The following TLE3 variants were observed in gnomAD, a reference collection of about 807,000 sequenced individuals.
TLE3 encodes the protein TLE family member 3, transcriptional corepressor, also known as transducin-like enhancer protein 3.
TLE3 carries 14 observed loss-of-function variants against 93.0 expected under a neutral mutation model. The ratio of observed to expected loss-of-function variants is 0.15; its 90% CI spans 0.10 to 0.24. The LOEUF (loss-of-function observed/expected upper bound fraction) is 0.24. TLE3 is among the 10% of genes least tolerant of loss of function. The pLI, the probability that TLE3 is intolerant of heterozygous loss-of-function variation, is 1.00. For synonymous variants in TLE3, 451 were observed against 425.0 expected (o/e 1.06, Z -0.75); for missense variants, 693 against 1,046.6 (o/e 0.66, Z 4.66).
intron 1 of TLE3, 190 bp downstream of exon 1, chr15:70,096,585 C>T: frequency 2.6e-6 from 4 of 1,524,544 alleles, no homozygotes; most frequent in Non-Finnish European, 3.5e-6. Context: ...AGCAGCCCCC[C>T]GCGCCACTCG....
rs186951300 is a variant in TLE3 at position 70,090,732 on chromosome 15, A to C, written c.234+3800T>G. ...ATATACCACCTTTCCCGGTCTGTGA[A>C]TCTTTCCTCTGGGATTGCTAGTTAT... On this transcript the variant is annotated intron_variant, in intron 4 of 19. Coordinates refer to ENST00000451782, the MANE Select transcript of TLE3 (RefSeq NM_001105192.3). 9.5e-3 allele frequency among the ~76,000 whole-genome samples: 1,450 copies of C among 152,306 alleles called. 18 individuals are homozygous for C. Among genetic ancestry groups the C allele is most frequent in the Non-Finnish European group, 0.011 (760 of 68,016 alleles).
At chr15:70,054,762 C>A (rs942486856) in intron 15 of TLE3, 77 bp from the exon 16 acceptor site, 2 of 1,464,118 alleles carry the variant, frequency 1.4e-6, no homozygotes, top group East Asian at 2.5e-5. Context: ...CCAGCAACAC[C>A]GAGCACCCTC....
intron 8 of TLE3, among the ~76,000 whole-genome samples, chr15:70,061,953 C>T (rs956663596): frequency 2.0e-5 from 3 of 152,220 alleles, no homozygotes; most frequent in Non-Finnish European, 2.9e-5. Flanking sequence ...AATGAGGCTT[C>T]CCTTCTCTTC....
At chr15:70,071,383 G>C (rs1192696921) in intron 6 of TLE3, among the ~76,000 whole-genome samples, 1 of 152,134 alleles carries the variant, frequency 6.6e-6, no homozygotes, top group African/African-American at 2.4e-5. Flanking sequence ...GGCTTGGCTT[G>C]AGAGCCTGGT....
chr15:70,054,217 T>C, intron 16 of TLE3: 1 of 555,696 alleles, frequency 1.8e-6, no homozygotes, highest in Non-Finnish European at 3.0e-6. Flanking sequence ...TCCACTTTCT[T>C]CCCAGAGCCC....
At chr15:70,054,749 T>C in intron 15 of TLE3, 64 bp from the exon 16 acceptor site, 1 of 1,484,704 alleles carries the variant, frequency 6.7e-7, no homozygotes, top group Non-Finnish European at 9.0e-7. Context: ...AGGAGAGTCC[T>C]GTCCAGCAAC....
intron 6 of TLE3, among the ~76,000 whole-genome samples, chr15:70,073,586 T>C (rs1214213889): frequency 1.3e-5 from 2 of 152,208 alleles, no homozygotes; most frequent in Non-Finnish European, 2.9e-5. Flanking sequence ...CCCAGACCTA[T>C]GGAAAAGACC....
chr15:70,054,981 C>G (rs1011709590), intron 15 of TLE3, 68 bp downstream of exon 15: 75 of 1,517,946 alleles, frequency 4.9e-5, no homozygotes, highest in Non-Finnish European at 6.5e-5. Context: ...GGGGCTCTCC[C>G]CTGTGGCCCA....
intron 4 of TLE3, among the ~76,000 whole-genome samples, chr15:70,088,151 T>C (rs1055311546): frequency 6.6e-6 from 1 of 152,208 alleles, no homozygotes; most frequent in South Asian, 2.1e-4. Context: ...AGCCCACTGA[T>C]TGTGCAACAT....
chr15:70,064,586 A>G, intron 7 of TLE3, 116 bp from the exon 8 acceptor site: 1 of 1,412,408 alleles, frequency 7.1e-7, no homozygotes, highest in East Asian at 2.4e-5. Context: ...TTGCTAGTGC[A>G]CTGGTTTTAA....
At chr15:70,094,464 A>ACAG in intron 4 of TLE3, 68 bp downstream of exon 4, 1 of 1,208,528 alleles carries the variant, frequency 8.3e-7, no homozygotes, top group South Asian at 1.4e-5. Context: ...ACAAGAGAGA[A>ACAG]CATAAGAAGT....
At chr15:70,090,673 A>ACC (rs1384670882) in intron 4 of TLE3, among the ~76,000 whole-genome samples, 1 of 152,126 alleles carries the variant, frequency 6.6e-6, no homozygotes, top group Non-Finnish European at 1.5e-5. Flanking sequence ...TGTTTATGGC[A>ACC]CCCCATGGCT....
intron 4 of TLE3, among the ~76,000 whole-genome samples, chr15:70,092,389 G>C (rs2058350010): frequency 6.6e-6 from 1 of 152,218 alleles, no homozygotes; most frequent in Non-Finnish European, 1.5e-5. Flanking sequence ...TGCATTCAGA[G>C]CACACATGTT....
chr15:70,074,531 ACCC>A lies in TLE3; in HGVS notation c.371_372+1del. On this transcript the variant is annotated splice_donor_variant and coding_sequence_variant, in exon 6 of 20. Coordinates refer to ENST00000451782, the MANE Select transcript of TLE3 (RefSeq NM_001105192.3). LOFTEE classifies it high-confidence loss of function. ...AAGAGGCAGATTGGGGAGTCCACGT[ACCC>A]CGATGATGGCGTTCAGCTCCGTCAT... is the stretch of plus-strand genomic sequence containing the variant. The A allele has an allele frequency of 6.2e-7, 1 of 1,611,626 alleles. No individual in the cohort carries two copies. Among genetic ancestry groups the A allele is most frequent in the Non-Finnish European group, 8.5e-7 (1 of 1,178,892 alleles).
chr15:70,087,743 C>A (rs554127922), intron 4 of TLE3, among the ~76,000 whole-genome samples: 7 of 152,356 alleles, frequency 4.6e-5, no homozygotes, highest in African/African-American at 1.4e-4. Flanking sequence ...TCTCTCTTCT[C>A]CCTTCACAGG....
intron 4 of TLE3, chr15:70,079,489 TC>T: frequency 2.1e-6 from 1 of 473,162 alleles, no homozygotes; most frequent in Admixed American, 2.9e-5. Context: ...GCACATCCCA[TC>T]CCTCCCAGCT....
At chr15:70,055,670 G>C (rs969689007) in intron 14 of TLE3, 4 of 218,648 alleles carry the variant, frequency 1.8e-5, no homozygotes, top group African/African-American at 6.9e-5. Flanking sequence ...GAAGGGATCT[G>C]CTTGCCCCTG....
chr15:70,063,837 A>G (rs1258241593), intron 8 of TLE3, among the ~76,000 whole-genome samples: 2 of 152,226 alleles, frequency 1.3e-5, no homozygotes, highest in Non-Finnish European at 2.9e-5. Context: ...CTCGCCTGCT[A>G]GCACTTTCTT....
At chr15:70,090,633 G>A (rs2058264963) in intron 4 of TLE3, among the ~76,000 whole-genome samples, 1 of 152,154 alleles carries the variant, frequency 6.6e-6, no homozygotes, top group South Asian at 2.1e-4. Context: ...AGTGACAAAT[G>A]GGGATTTTCC....
Sources: allele counts gnomAD v4.1 joint callset (sites outside exome capture counted in the v4.1 genomes callset), GRCh38; gene constraint gnomAD v4.1.1; transcripts MANE v1.5; gene names NCBI Gene and HGNC (gene_info 2026-07-23, HGNC 2026-07-21).